FRMPD4: variants seen among roughly 807,000 people sequenced by gnomAD.
FRMPD4 encodes FERM and PDZ domain-containing protein 4.
In FRMPD4, 22 loss-of-function variants were observed where a neutral mutation model predicts 94.1. The observed-to-expected ratio is 0.23, with a 90% CI of 0.17 to 0.33. The LOEUF is 0.33. FRMPD4 is among the 10% of genes least tolerant of loss of function. The pLI, the probability that FRMPD4 is intolerant of heterozygous loss-of-function variation, is 1.00. For synonymous variants in FRMPD4, 631 were observed against 548.6 expected (o/e 1.15, Z -2.10); for missense variants, 1,111 against 1,339.9 (o/e 0.83, Z 2.67).
At chrX:12,159,396 C>G (rs771168538) in intron 1 of FRMPD4, among the ~76,000 whole-genome samples, 103 of 112,036 alleles carry the variant, frequency 9.2e-4, no homozygotes, top group African/African-American at 3.0e-3. Context: ...GTGACTAGCT[C>G]ATCAGTCTCT....
intron 1 of FRMPD4, among the ~76,000 whole-genome samples, chrX:12,211,645 T>G (rs1394168303): frequency 8.9e-6 from 1 of 112,092 alleles, no homozygotes. Context: ...TCATACCCAT[T>G]TTCAAAGGTA....
At chrX:12,645,759 G>A (rs1002155640) in intron 4 of FRMPD4, among the ~76,000 whole-genome samples, 8 of 111,004 alleles carry the variant, frequency 7.2e-5, no homozygotes, top group East Asian at 2.8e-4. Context: ...AATCTTCCTC[G>A]GACATTAAGG....
At chrX:12,630,649 T>C (rs2059387035) in intron 4 of FRMPD4, among the ~76,000 whole-genome samples, 1 of 112,145 alleles carries the variant, frequency 8.9e-6, no homozygotes, top group Non-Finnish European at 1.9e-5. Flanking sequence ...ACTTTTGTGA[T>C]GGCTTCCATG....
At chrX:12,441,470 A>C (rs1184102474) in intron 1 of FRMPD4, among the ~76,000 whole-genome samples, 2 of 111,227 alleles carry the variant, frequency 1.8e-5, no homozygotes, top group African/African-American at 6.5e-5. Flanking sequence ...TCTCCTTCAA[A>C]TAATACCTCC....
chrX:12,712,444 G>A (rs1333757717), intron 14 of FRMPD4, among the ~76,000 whole-genome samples: 1 of 111,458 alleles, frequency 9.0e-6, no homozygotes, highest in East Asian at 2.8e-4. Flanking sequence ...AGCTACACGG[G>A]AGGCTGAGGT....
chrX:12,651,372 A>G (rs1234497761), intron 4 of FRMPD4, among the ~76,000 whole-genome samples: 1 of 105,873 alleles, frequency 9.4e-6, no homozygotes, highest in African/African-American at 3.5e-5. Context: ...ATCTTCAAGG[A>G]AAAATAATAA....
At chrX:12,710,358 A>G in intron 13 of FRMPD4, 41 bp from the exon 14 acceptor site, 3 of 1,124,836 alleles carry the variant, frequency 2.7e-6, no homozygotes, top group South Asian at 2.0e-5. Flanking sequence ...GGATGTTATT[A>G]AGAATGGATG....
At chrX:12,205,831 A>G (rs2056686077) in intron 1 of FRMPD4, among the ~76,000 whole-genome samples, 1 of 111,857 alleles carries the variant, frequency 8.9e-6, no homozygotes, top group African/African-American at 3.2e-5. Context: ...TAAGGATTGA[A>G]CCTCTTTGGT....
intron 3 of FRMPD4, among the ~76,000 whole-genome samples, chrX:12,106,889 C>T (rs1330712184): frequency 2.7e-5 from 3 of 111,996 alleles, no homozygotes; most frequent in Admixed American, 9.4e-5. Flanking sequence ...AGTGGGTAAA[C>T]AAAGTCACCA....
chrX:12,169,395 C>T (rs1457156663), intron 1 of FRMPD4, among the ~76,000 whole-genome samples: 1 of 112,154 alleles, frequency 8.9e-6, no homozygotes, highest in Non-Finnish European at 1.9e-5. Context: ...CCATCAATTG[C>T]AAGACATCTA....
chrX:12,239,230 G>A (rs2057103451), intron 1 of FRMPD4, among the ~76,000 whole-genome samples: 1 of 111,963 alleles, frequency 8.9e-6, no homozygotes, highest in Admixed American at 9.5e-5. Context: ...ATTATCCTTG[G>A]CAAATGTTTA....
chrX:12,130,984 G>A (rs1460438219), intron 3 of FRMPD4, among the ~76,000 whole-genome samples: 2 of 112,049 alleles, frequency 1.8e-5, no homozygotes, highest in African/African-American at 6.5e-5. Context: ...TTATACACTG[G>A]CAGAATCTTT....
At chrX:11,849,473 A>G (rs2053607013) in intron 1 of FRMPD4, among the ~76,000 whole-genome samples, 1 of 111,448 alleles carries the variant, frequency 9.0e-6, no homozygotes, top group African/African-American at 3.3e-5. Flanking sequence ...AACAGTCTTG[A>G]AAAAGAAAAA....
chrX:12,554,916 T>G (rs2058579077), intron 2 of FRMPD4, among the ~76,000 whole-genome samples: 1 of 111,516 alleles, frequency 9.0e-6, no homozygotes, highest in East Asian at 2.8e-4. Flanking sequence ...TGCCTGGTCA[T>G]GTATGTCTTC....
chrX:12,681,328 G>A (rs929602092), intron 5 of FRMPD4, among the ~76,000 whole-genome samples: 7 of 112,271 alleles, frequency 6.2e-5, no homozygotes, highest in African/African-American at 2.3e-4. Flanking sequence ...AAGCAAATGC[G>A]CTCACCGCTG....
chrX:12,490,651 G>C (rs2057783948), intron 1 of FRMPD4, among the ~76,000 whole-genome samples: 1 of 111,689 alleles, frequency 9.0e-6, no homozygotes, highest in South Asian at 3.8e-4. Flanking sequence ...TTTCAGAGGA[G>C]AAAGCTGATG....
At chrX:12,639,964 T>C (rs1468825067) in intron 4 of FRMPD4, among the ~76,000 whole-genome samples, 1 of 111,344 alleles carries the variant, frequency 9.0e-6, no homozygotes, top group Non-Finnish European at 1.9e-5. Flanking sequence ...TTCTAACCAT[T>C]ACCATTGGAG....
At chrX:12,250,062 GTT>G (rs563796652) in intron 1 of FRMPD4, among the ~76,000 whole-genome samples, 12,977 of 79,021 alleles carry the variant, frequency 0.16, 807 homozygotes, top group South Asian at 0.31. Flanking sequence ...GTGTGTGTGT[GTT>G]TGTGTGTTTG....
Position 11,873,212 on chromosome X carries a change from A to G in FRMPD4, c.-29-4683A>G, listed in dbSNP as rs1256154188. Among the ~76,000 whole-genome samples the G allele has an allele frequency of 2.7e-5, 3 of 111,528 alleles. No individual in the cohort carries two copies. The East Asian group carries it at 8.4e-4, about 31-fold the overall frequency. On this transcript the variant is annotated intron_variant, in intron 2 of 18. Coordinates refer to the FRMPD4 transcript ENST00000640291. ...AAGGATTTCCACTCTAATAATTTCT[A>G]TTCAGTATTTTATTGGAGGTCCTAA...
Sources: allele counts gnomAD v4.1 joint callset (sites outside exome capture counted in the v4.1 genomes callset), GRCh38; gene constraint gnomAD v4.1.1; transcripts MANE v1.5; gene names NCBI Gene and HGNC (gene_info 2026-07-23, HGNC 2026-07-21).